The following MACROD2 variants were observed in gnomAD, a reference collection of about 807,000 sequenced individuals.
MACROD2 encodes the protein ADP-ribose glycohydrolase MACROD2.
MACROD2 carries 36 observed loss-of-function variants against 70.4 expected under a neutral mutation model. That is an observed-to-expected ratio of 0.51 (90% CI 0.39 to 0.68). The LOEUF is 0.68. Among genes scored for constraint, MACROD2 ranks in the 30% least tolerant of loss-of-function variants. MACROD2 has a pLI of 0.00. For missense variants in MACROD2, 496 were observed against 538.4 expected, an observed-to-expected ratio of 0.92 and a Z score of 0.78; for synonymous variants, 172 against 178.8, an observed-to-expected ratio of 0.96 and a Z score of 0.30.
intron 5 of MACROD2, among the ~76,000 whole-genome samples, chr20:15,132,317 C>T (rs1049493396): frequency 3.3e-5 from 5 of 151,388 alleles, no homozygotes; most frequent in South Asian, 2.1e-4. Context: ...TAAAAGATTA[C>T]GTAGAAAAAA....
intron 15 of MACROD2, among the ~76,000 whole-genome samples, chr20:16,035,177 T>A (rs6110878): frequency 0.014 from 1,697 of 120,774 alleles, 77 homozygotes; most frequent in Non-Finnish European, 0.02. Context: ...TATAAAATAT[T>A]ATATATTATA....
chr20:15,098,653 T>C (rs1402435205), intron 5 of MACROD2, among the ~76,000 whole-genome samples: 4 of 152,218 alleles, frequency 2.6e-5, no homozygotes, highest in Admixed American at 2.0e-4. Flanking sequence ...ATCCTAAGAT[T>C]ATACTTTAGA....
intron 3 of MACROD2, among the ~76,000 whole-genome samples, chr20:14,293,091 C>T (rs920390070): frequency 6.6e-6 from 1 of 151,800 alleles, no homozygotes; most frequent in African/African-American, 2.4e-5. Context: ...AACCCAGTGA[C>T]TTTGTCAAGT....
At chr20:15,824,496 G>A (rs936718056) in intron 8 of MACROD2, among the ~76,000 whole-genome samples, 2 of 152,132 alleles carry the variant, frequency 1.3e-5, no homozygotes, top group African/African-American at 4.8e-5. Context: ...TAGAAGGCGG[G>A]AAAGCAAAGT....
chr20:14,752,359 A>G (rs1179239248), intron 5 of MACROD2, among the ~76,000 whole-genome samples: 1 of 151,386 alleles, frequency 6.6e-6, no homozygotes, highest in East Asian at 1.9e-4. Flanking sequence ...GAATCCTACT[A>G]CATCCATTGA....
intron 2 of MACROD2, among the ~76,000 whole-genome samples, chr20:14,071,560 C>A (rs1395506141): frequency 6.6e-6 from 1 of 150,892 alleles, no homozygotes; most frequent in Non-Finnish European, 1.5e-5. Flanking sequence ...GTGCTGGGCC[C>A]GACCATTTCA....
intron 5 of MACROD2, among the ~76,000 whole-genome samples, chr20:14,947,554 G>A (rs988765755): frequency 5.3e-5 from 8 of 152,188 alleles, no homozygotes; most frequent in African/African-American, 1.9e-4. Flanking sequence ...TTGGTGCTAA[G>A]GCATTTGTGC....
At chr20:15,511,815 C>T (rs1327973179) in intron 8 of MACROD2, among the ~76,000 whole-genome samples, 1 of 152,158 alleles carries the variant, frequency 6.6e-6, no homozygotes, top group East Asian at 1.9e-4. Context: ...CATTCTGGAC[C>T]TATTCCTCAC....
At chr20:15,484,241 G>A (rs2047136856) in intron 7 of MACROD2, among the ~76,000 whole-genome samples, 1 of 151,574 alleles carries the variant, frequency 6.6e-6, no homozygotes, top group African/African-American at 2.4e-5. Flanking sequence ...AGTTTTTCTT[G>A]ACAGCCAAAC....
chr20:15,399,794 C>T (rs1005780053), intron 6 of MACROD2, among the ~76,000 whole-genome samples: 1 of 152,236 alleles, frequency 6.6e-6, no homozygotes, highest in African/African-American at 2.4e-5. Context: ...TAATGACCAT[C>T]TCACTATGTC....
chr20:14,486,692 T>A (rs2084738863), intron 3 of MACROD2, among the ~76,000 whole-genome samples: 1 of 151,872 alleles, frequency 6.6e-6, no homozygotes, highest in Non-Finnish European at 1.5e-5. Flanking sequence ...CTAATTTTTG[T>A]ATTTTTAGTA....
At chr20:15,392,217 C>G (rs2099300349) in intron 6 of MACROD2, among the ~76,000 whole-genome samples, 1 of 152,052 alleles carries the variant, frequency 6.6e-6, no homozygotes. Context: ...AGTGTCTTTT[C>G]ATAATATGAA....
At chr20:14,183,172 C>T (rs2148732520) in intron 3 of MACROD2, among the ~76,000 whole-genome samples, 1 of 151,044 alleles carries the variant, frequency 6.6e-6, no homozygotes, top group East Asian at 2.0e-4. Context: ...TGATCCTCTC[C>T]CTCCTTCCAC....
chr20:15,465,560 T>C (rs2046875071), intron 7 of MACROD2, among the ~76,000 whole-genome samples: 1 of 152,260 alleles, frequency 6.6e-6, no homozygotes, highest in Non-Finnish European at 1.5e-5. Flanking sequence ...ACACATTTCC[T>C]AGATTCCTTG....
At chr20:14,750,154 T>C (rs1445268056) in intron 5 of MACROD2, among the ~76,000 whole-genome samples, 1 of 152,154 alleles carries the variant, frequency 6.6e-6, no homozygotes, top group Non-Finnish European at 1.5e-5. Context: ...TTATCCTTAT[T>C]GTTTAGCCTC....
intron 3 of MACROD2, among the ~76,000 whole-genome samples, chr20:14,389,721 A>G (rs1189407694): frequency 6.6e-6 from 1 of 152,140 alleles, no homozygotes; most frequent in Non-Finnish European, 1.5e-5. Flanking sequence ...TGTACAATCT[A>G]TTAGTGTTAA....
intron 9 of MACROD2, among the ~76,000 whole-genome samples, chr20:15,880,248 A>C (rs2064735370): frequency 6.6e-6 from 1 of 152,104 alleles, no homozygotes; most frequent in Admixed American, 6.6e-5. Flanking sequence ...AGATCGGGTT[A>C]GTTGCAATTT....
intron 3 of MACROD2, among the ~76,000 whole-genome samples, chr20:14,451,218 G>A (rs1486402243): frequency 2.6e-5 from 4 of 152,078 alleles, no homozygotes; most frequent in African/African-American, 9.7e-5. Flanking sequence ...AAGGCAGGTG[G>A]ATCATCTGAG....
rs868515883 is a variant in MACROD2 at position 14,036,137 on chromosome 20, G to A, written c.163+33733G>A. On this transcript the variant is annotated intron_variant, in intron 2 of 17. Coordinates refer to ENST00000684519, the MANE Select transcript of MACROD2 (RefSeq NM_001351661.2). ...AGCCTGGGTGACAGAGCGAGACTCCGTCTCAAAAAAAAAAAAAAGCTAGCA... is the reference window on the plus strand; with the variant it reads ...AGCCTGGGTGACAGAGCGAGACTCCATCTCAAAAAAAAAAAAAAGCTAGCA... Among the ~76,000 whole-genome samples the A allele has an allele frequency of 2.7e-5, 4 of 148,610 alleles. No individual in the cohort carries two copies. In the South Asian group the frequency reaches 8.5e-4, roughly 31 times the overall value.
Sources: gnomAD v4.1 joint callset for allele counts (sites outside exome capture counted in the v4.1 genomes callset) on GRCh38, gnomAD v4.1.1 for gene constraint, MANE v1.5 for transcripts, NCBI Gene and HGNC (gene_info 2026-07-23, HGNC 2026-07-21) for gene names.